Variants in CLUL1 observed in about 807,000 individuals in gnomAD.
CLUL1 encodes the protein clusterin-like protein 1.
Under a neutral mutation model 49.4 loss-of-function variants are expected in CLUL1, and 43 were observed. The observed-to-expected ratio is 0.87, with a 90% CI of 0.68 to 1.12. The LOEUF is 1.12. Ranked by LOEUF, CLUL1 falls within the 50% of genes most tolerant of loss-of-function variation. CLUL1 has a pLI of 0.00. For missense variants in CLUL1, 486 were observed against 544.4 expected, an observed-to-expected ratio of 0.89 and a Z score of 1.07; for synonymous variants, 192 against 184.9, an observed-to-expected ratio of 1.04 and a Z score of -0.31.
chr18:605,511 C>A (rs1304614582), intron 1 of CLUL1, among the ~76,000 whole-genome samples: 1 of 151,624 alleles, frequency 6.6e-6, no homozygotes, highest in African/African-American at 2.4e-5. Context: ...GCCTGTAGTC[C>A]CAGCTACTTG....
At position 626,873 on chromosome 18, in the gene CLUL1, A is replaced by G. The variant is rs969208283; in HGVS notation, c.424-224A>G. 0.029 allele frequency among the ~76,000 whole-genome samples: 6 copies of G among 210 alleles called. No homozygotes were observed. The Non-Finnish European group carries it at 0.43, about 15-fold the overall frequency. The allele number at this position is 210 out of a possible 152,430, so 0.1% of individuals were successfully genotyped here. ...AAGACTCCATCTCAAATAAGAAAGAAAGAAAGAAAGAAAGAAAGAAAGAAA... is the reference window on the plus strand; with the variant it reads ...AAGACTCCATCTCAAATAAGAAAGAGAGAAAGAAAGAAAGAAAGAAAGAAA... On this transcript the variant is annotated intron_variant, in intron 5 of 9. Coordinates refer to ENST00000692774, the MANE Select transcript of CLUL1 (RefSeq NM_001393344.1).
intron 4 of CLUL1, among the ~76,000 whole-genome samples, chr18:619,779 C>A (rs111421021): frequency 1.3e-5 from 2 of 151,866 alleles, no homozygotes; most frequent in South Asian, 4.2e-4. Flanking sequence ...GAGTTGATCC[C>A]GCTCATTGCA....
At position 627,086 on chromosome 18, in the gene CLUL1, C is replaced by G. The variant is rs753178287; in HGVS notation, c.424-11C>G. The G allele has an allele frequency of 1.0e-5, 16 of 1,574,452 alleles. No homozygotes were observed. Among genetic ancestry groups the G allele is most frequent in the Admixed American group, 5.1e-5 (3 of 59,124 alleles). On this transcript the variant is annotated splice_polypyrimidine_tract_variant and intron_variant, in intron 5 of 9. Transcript: ENST00000692774. ...TTTTATTCCATTTCTGTCCCCTACT[C>G]TACTCCACAGATTGAACGGTTTTTC...
chr18:640,408 T>C (rs2074308985), intron 7 of CLUL1, among the ~76,000 whole-genome samples: 1 of 151,684 alleles, frequency 6.6e-6, no homozygotes, highest in Non-Finnish European at 1.5e-5. Context: ...AGAACCTGTC[T>C]TGAAAAAAAA....
chr18:637,816 A>C (rs2074197173), intron 7 of CLUL1, among the ~76,000 whole-genome samples: 1 of 152,130 alleles, frequency 6.6e-6, no homozygotes, highest in Admixed American at 6.5e-5. Flanking sequence ...TCTACTAAAA[A>C]TACAAAAATT....
rs1314319456 is a variant in CLUL1 at position 627,446 on chromosome 18, T to G, written c.773T>G (p.Phe258Cys). 6.2e-7 allele frequency: 1 copy of G among 1,613,944 alleles called. No homozygotes were observed. The highest frequency in any genetic ancestry group is 1.7e-5 in the Admixed American group (1 of 60,026). The stretch of plus-strand genomic sequence containing the variant: ...AACTTCTTCCAGCTGTTTTGTAATT[T>G]CAGTGTCTCTATTTATGAAAGTGTC... ...IPNFFQLFCN[F>C]SVSIYESVSE... The change falls in exon 6 of 10, where the codon TTC becomes TGC. Residue 258 changes from phenylalanine (F) to cysteine (C), a missense_variant. Phe to Cys is a radical substitution (Grantham distance 205). Coordinates refer to ENST00000692774, the MANE Select transcript of CLUL1 (RefSeq NM_001393344.1).
At position 627,547 on chromosome 18, in the gene CLUL1, AC is replaced by A. The variant is rs1289977731; in HGVS notation, c.856+19del. On this transcript the variant is annotated intron_variant, in intron 6 of 9. Transcript: ENST00000692774. ...AGACAAAGGCAAGTATTAAAAGATT[AC>A]TTTTACTTAGAGGTTTACACTAAAG... 8 of 1,549,856 alleles carry A rather than the reference AC, an allele frequency of 5.2e-6. No individual in the cohort carries two copies. In the Admixed American group the frequency reaches 1.5e-4, roughly 28 times the overall value.
In CLUL1 at chr18:645,138, A is replaced by C. The variant is rs758221630; in HGVS notation, c.1397+41A>C. 3 of 1,433,396 alleles carry C rather than the reference A, an allele frequency of 2.1e-6. No homozygotes were observed. In the African/African-American group the frequency reaches 4.4e-5, roughly 21 times the overall value. 88.8% of individuals were successfully genotyped at this position (1,433,396 alleles called of 1,614,324 possible). A position where few individuals can be genotyped will look rare whatever the true frequency, so the allele number is the denominator to read the frequency against. On this transcript the variant is annotated intron_variant, in intron 9 of 9. Coordinates refer to ENST00000692774, the MANE Select transcript of CLUL1 (RefSeq NM_001393344.1). ...GGTTAGGAATGCCTTGTTGACAGGAATAGTTAATTCTCAAAAGGGAAAAAC... is the reference window on the plus strand; with the variant it reads ...GGTTAGGAATGCCTTGTTGACAGGACTAGTTAATTCTCAAAAGGGAAAAAC...
intron 4 of CLUL1, among the ~76,000 whole-genome samples, chr18:622,979 A>G (rs538992459): frequency 1.3e-5 from 2 of 151,778 alleles, no homozygotes; most frequent in Non-Finnish European, 2.9e-5. Flanking sequence ...AATATGTAAA[A>G]TTGGGACTGA....
At chr18:603,907 A>T (rs560333657) in intron 1 of CLUL1, among the ~76,000 whole-genome samples, 2 of 152,236 alleles carry the variant, frequency 1.3e-5, no homozygotes, top group South Asian at 4.1e-4. Flanking sequence ...GCAAGACAGG[A>T]TCTCACTCTG....
rs774552721 is a variant in CLUL1 at position 597,032 on chromosome 18, C to T, written c.-233C>T. 1 of 152,746 alleles carries T rather than the reference C, an allele frequency of 6.5e-6. No homozygotes were observed. Among genetic ancestry groups the T allele is most frequent in the Admixed American group, 6.5e-5 (1 of 15,290 alleles). 9.5% of individuals were successfully genotyped at this position (152,746 alleles called of 1,614,324 possible). On this transcript the variant is annotated 5_prime_UTR_variant, in exon 1 of 10. Coordinates refer to ENST00000692774, the MANE Select transcript of CLUL1 (RefSeq NM_001393344.1). ...CCCGGGCCGCGGGGTTGGTTTCCAC[C>T]CTGGAGGTTGCTGACACCCTGTGCC...
intron 8 of CLUL1, among the ~76,000 whole-genome samples, chr18:642,283 T>G (rs1363056777): frequency 6.6e-6 from 1 of 151,880 alleles, no homozygotes; most frequent in African/African-American, 2.4e-5. Context: ...ACATAAAAAA[T>G]TAGCCAAGTG....
chr18:609,058 A>G lies in CLUL1; in HGVS notation c.-14+1959A>G, dbSNP rs553876935. On this transcript the variant is annotated intron_variant, in intron 2 of 9. Transcript: ENST00000692774. ...TGTTTTGGGATTTTGAAATATTTGC[A>G]TATACACAATGAGATATCTTGGGGA... Among the ~76,000 whole-genome samples, 178 of 152,316 alleles carry G rather than the reference A, an allele frequency of 1.2e-3. 2 individuals are homozygous for G. The highest frequency in any genetic ancestry group is 2.2e-3 in the Non-Finnish European group (148 of 68,036).
rs1367542091 is a variant in CLUL1, at chr18:619,306, A to G, written c.200A>G (p.Glu67Gly). Residue 67 changes from glutamate (E) to glycine (G), a missense_variant, in exon 4 of 10, where the codon GAG (glutamate) becomes GGG (glycine). Transcript: ENST00000692774. ...ATGAAAATCATGATGGAAAGAAAAG[A>G]GAAGGAACACACCAATCTAATGAGC... ...KQMKIMMERK[E>G]KEHTNLMSTL... 4 of 1,614,150 alleles carry G rather than the reference A, an allele frequency of 2.5e-6. No homozygotes were observed. The highest frequency in any genetic ancestry group is 3.3e-5 in the Admixed American group (2 of 60,024).
At chr18:598,345 G>A in intron 1 of CLUL1, 1 of 389,340 alleles carries the variant, frequency 2.6e-6, no homozygotes, top group Non-Finnish European at 4.5e-6. Context: ...TGTTTTTCCA[G>A]GTCCCTCAAA....
intron 7 of CLUL1, among the ~76,000 whole-genome samples, chr18:636,608 A>G (rs1187817852): frequency 6.6e-6 from 1 of 150,868 alleles, no homozygotes; most frequent in African/African-American, 2.4e-5. Flanking sequence ...TAGAGTCGAC[A>G]ACACTCCCTT....
At chr18:626,773 A>C (rs2073720904) in intron 5 of CLUL1, among the ~76,000 whole-genome samples, 1 of 149,352 alleles carries the variant, frequency 6.7e-6, no homozygotes, top group Non-Finnish European at 1.5e-5. Context: ...AGACAGAAGA[A>C]TCACTTGAAC....
intron 4 of CLUL1, among the ~76,000 whole-genome samples, chr18:620,354 A>C (rs532133775): frequency 6.6e-6 from 1 of 151,686 alleles, no homozygotes; most frequent in South Asian, 2.1e-4. Context: ...TCATTTTTAA[A>C]ATCTGCCAAG....
Position 640,925 on chromosome 18 carries a change from A to G in CLUL1, c.995-402A>G, listed in dbSNP as rs141613928. Among the ~76,000 whole-genome samples, 399 of 151,976 alleles carry G rather than the reference A, an allele frequency of 2.6e-3. 3 individuals carry two copies. The highest frequency in any genetic ancestry group is 8.7e-3 in the African/African-American group (360 of 41,412). ...TATGTGGTTCTTTTCCTCTTTTCCCATACTAATTACTGGTACTGGACATAT... is the reference window on the plus strand; with the variant it reads ...TATGTGGTTCTTTTCCTCTTTTCCCGTACTAATTACTGGTACTGGACATAT... On this transcript the variant is annotated intron_variant, in intron 7 of 9. Coordinates refer to ENST00000692774, the MANE Select transcript of CLUL1 (RefSeq NM_001393344.1).
Sources: allele counts gnomAD v4.1 joint callset (sites outside exome capture counted in the v4.1 genomes callset), GRCh38; gene constraint gnomAD v4.1.1; transcripts MANE v1.5; gene names NCBI Gene and HGNC (gene_info 2026-07-23, HGNC 2026-07-21).